TBCA: variants seen among roughly 807,000 people sequenced by gnomAD.
TBCA encodes the protein tubulin folding cofactor A.
Under a neutral mutation model 15.8 loss-of-function variants are expected in TBCA, and 6 were observed. The ratio of observed to expected loss-of-function variants is 0.38; its 90% CI spans 0.21 to 0.75. The LOEUF is 0.75. Ranked by LOEUF, TBCA falls within the 30% of genes least tolerant of loss-of-function variation. TBCA has a pLI of 0.46. For missense variants in TBCA, 90 were observed against 131.2 expected (o/e 0.69, Z 1.53); for synonymous variants, 32 against 42.3 (o/e 0.76, Z 0.94).
intron 1 of TBCA, among the ~76,000 whole-genome samples, chr5:77,749,775 A>G (rs965655871): frequency 2.0e-5 from 3 of 152,210 alleles, no homozygotes; most frequent in Admixed American, 6.5e-5. Context: ...TCACAGTAGC[A>G]TTTTCCAAAA....
At chr5:77,760,764 C>G (rs948657501) in intron 1 of TBCA, among the ~76,000 whole-genome samples, 3 of 152,214 alleles carry the variant, frequency 2.0e-5, no homozygotes, top group African/African-American at 4.8e-5. Context: ...ATGATCTCAG[C>G]TCGCTACAAC....
rs1308249850 is a variant in TBCA, at chr5:77,761,852, C to T, written c.53+14353G>A. 1.6e-4 allele frequency among the ~76,000 whole-genome samples: 24 copies of T among 152,178 alleles called. 1 individual carries two copies. The highest frequency in any genetic ancestry group is 1.6e-3 in the Admixed American group (24 of 15,288). ...ACAAGCTACCTCCCAAGGCCAGATG[C>T]TCTAGTGCTAAAAGAAGACTGCAGC... is the stretch of plus-strand genomic sequence containing the variant. On this transcript the variant is annotated intron_variant, in intron 1 of 3. Transcript: ENST00000380377.
At chr5:77,752,578 G>A (rs1266134212) in intron 1 of TBCA, among the ~76,000 whole-genome samples, 2 of 47,376 alleles carry the variant, frequency 4.2e-5, no homozygotes, top group African/African-American at 6.9e-5. Context: ...TTGAGACGGA[G>A]TCTCGCTCTG....
intron 2 of TBCA, among the ~76,000 whole-genome samples, chr5:77,695,312 T>C (rs757602775): frequency 2.0e-5 from 3 of 152,166 alleles, no homozygotes; most frequent in African/African-American, 2.4e-5. Flanking sequence ...GGCTCTCCCA[T>C]ACACTACCCC....
chr5:77,776,290 A>G lies in TBCA; in HGVS notation c.-33T>C. On this transcript the variant is annotated 5_prime_UTR_variant, in exon 1 of 4. Transcript: ENST00000380377. ...CGAGCGCCGCGAGAAGGAGGGGCGG[A>G]GAGCCGGGGTAACCGTGGAGGGCGA... 1 of 1,564,832 alleles carries G rather than the reference A, an allele frequency of 6.4e-7. No homozygotes were observed. The highest frequency in any genetic ancestry group is 8.7e-7 in the Non-Finnish European group (1 of 1,155,664).
At chr5:77,764,509 T>G (rs1747728056) in intron 1 of TBCA, among the ~76,000 whole-genome samples, 1 of 142,176 alleles carries the variant, frequency 7.0e-6, no homozygotes, top group Non-Finnish European at 1.6e-5. Flanking sequence ...CACTTAAGTC[T>G]CCCATCTTTA....
intron 1 of TBCA, among the ~76,000 whole-genome samples, chr5:77,768,078 C>G (rs1194232223): frequency 1.3e-5 from 2 of 152,192 alleles, no homozygotes; most frequent in African/African-American, 4.8e-5. Flanking sequence ...CAGGCCCTCA[C>G]CAGATACTTG....
chr5:77,716,137 TAA>T (rs1255881587), intron 1 of TBCA, among the ~76,000 whole-genome samples: 2 of 152,176 alleles, frequency 1.3e-5, no homozygotes, highest in African/African-American at 2.4e-5. Flanking sequence ...ACAATGTTTT[TAA>T]AAGAGTCAAT....
At chr5:77,748,453 GGATACTTCATCAGCTCTAC>G (rs1272374913) in intron 1 of TBCA, among the ~76,000 whole-genome samples, 1 of 150,914 alleles carries the variant, frequency 6.6e-6, no homozygotes, top group African/African-American at 2.4e-5. Flanking sequence ...AATCTCTAAG[GGATACTTCATCAGCTCTAC>G]GATTTAGTTT....
intron 1 of TBCA, among the ~76,000 whole-genome samples, chr5:77,743,851 T>C (rs1454733439): frequency 6.6e-6 from 1 of 152,164 alleles, no homozygotes; most frequent in Non-Finnish European, 1.5e-5. Flanking sequence ...CCAGGTACCA[T>C]CGTAGGCACT....
chr5:77,755,580 T>C (rs1416658416), intron 1 of TBCA, among the ~76,000 whole-genome samples: 1 of 151,546 alleles, frequency 6.6e-6, no homozygotes, highest in African/African-American at 2.4e-5. Context: ...TCTCAAAAAA[T>C]AAATAAAAAT....
intron 1 of TBCA, among the ~76,000 whole-genome samples, chr5:77,767,539 A>G (rs1170280436): frequency 2.6e-5 from 4 of 152,236 alleles, no homozygotes; most frequent in African/African-American, 9.6e-5. Context: ...ATAAAAAAGC[A>G]AAACTGGCCT....
chr5:77,764,726 A>G (rs975554517), intron 1 of TBCA, among the ~76,000 whole-genome samples: 1 of 152,204 alleles, frequency 6.6e-6, no homozygotes, highest in Non-Finnish European at 1.5e-5. Flanking sequence ...TTATTCACCA[A>G]TAATATAGAG....
At chr5:77,692,050 A>G in intron 3 of TBCA, 1 of 985,302 alleles carries the variant, frequency 1.0e-6, no homozygotes. Context: ...TCTGATATTT[A>G]AAGATTGAGT....
At chr5:77,750,196 A>T (rs1194366916) in intron 1 of TBCA, among the ~76,000 whole-genome samples, 3 of 151,698 alleles carry the variant, frequency 2.0e-5, no homozygotes, top group Non-Finnish European at 4.4e-5. Context: ...ACATATACAC[A>T]CACACATATT....
At chr5:77,738,605 C>T (rs1384766071) in intron 1 of TBCA, among the ~76,000 whole-genome samples, 4 of 152,208 alleles carry the variant, frequency 2.6e-5, no homozygotes, top group Non-Finnish European at 4.4e-5. Flanking sequence ...TTTTTGGAGA[C>T]GGAGTCTCGC....
At chr5:77,736,899 C>G (rs1746921506) in intron 1 of TBCA, among the ~76,000 whole-genome samples, 1 of 152,188 alleles carries the variant, frequency 6.6e-6, no homozygotes, top group Non-Finnish European at 1.5e-5. Context: ...AATTGCATCA[C>G]AAATCATATA....
chr5:77,727,141 G>A lies in TBCA; in HGVS notation c.54-18794C>T, dbSNP rs564690467. ...AGTCCCAGATACTTGGGAGGCTGAG[G>A]CACAAGAATCGCTTGAACCCAGGAG... is the stretch of plus-strand genomic sequence containing the variant. On this transcript the variant is annotated intron_variant, in intron 1 of 3. Transcript: ENST00000380377. 2.3e-3 allele frequency among the ~76,000 whole-genome samples: 349 copies of A among 149,766 alleles called. 1 individual carries two copies. The highest frequency in any genetic ancestry group is 8.0e-3 in the South Asian group (38 of 4,744).
intron 1 of TBCA, among the ~76,000 whole-genome samples, chr5:77,765,037 A>G (rs921470939): frequency 6.6e-6 from 1 of 152,172 alleles, no homozygotes; most frequent in South Asian, 2.1e-4. Flanking sequence ...ATCAATGTAC[A>G]ATGTTAGCAA....
Sources: gnomAD v4.1 joint callset for allele counts (sites outside exome capture counted in the v4.1 genomes callset) on GRCh38, gnomAD v4.1.1 for gene constraint, MANE v1.5 for transcripts, NCBI Gene and HGNC (gene_info 2026-07-23, HGNC 2026-07-21) for gene names.